The following RPS6KA2 variants were observed in gnomAD, a reference collection of about 807,000 sequenced individuals.
RPS6KA2 encodes ribosomal protein S6 kinase alpha-2.
Under a neutral mutation model 91.8 loss-of-function variants are expected in RPS6KA2, and 42 were observed. That is an observed-to-expected ratio of 0.46 (90% CI 0.36 to 0.59). The LOEUF is 0.59. RPS6KA2 is among the 20% of genes least tolerant of loss of function. RPS6KA2 has a pLI of 0.00. For synonymous variants in RPS6KA2, 414 were observed against 393.6 expected, an observed-to-expected ratio of 1.05 and a Z score of -0.61; for missense variants, 798 against 978.5, an observed-to-expected ratio of 0.82 and a Z score of 2.46.
At chr6:166,831,899 AGATG>A (rs1780193387) in intron 2 of RPS6KA2, among the ~76,000 whole-genome samples, 2 of 100,838 alleles carry the variant, frequency 2.0e-5, no homozygotes, top group Non-Finnish European at 5.1e-5. Context: ...ATGGATAGAT[AGATG>A]ATGGATGGAT....
At chr6:166,777,201 A>G (rs980017932) in intron 2 of RPS6KA2, among the ~76,000 whole-genome samples, 1 of 152,236 alleles carries the variant, frequency 6.6e-6, no homozygotes, top group Admixed American at 6.5e-5. Flanking sequence ...GACGGGAGAC[A>G]TCGAACTTGT....
chr6:166,608,730 CAAAG>C (rs1337148572), intron 1 of RPS6KA2, among the ~76,000 whole-genome samples: 3 of 152,234 alleles, frequency 2.0e-5, no homozygotes, highest in Non-Finnish European at 2.9e-5. Context: ...TGTTCTGCTT[CAAAG>C]AAAGACTTTC....
intron 2 of RPS6KA2, among the ~76,000 whole-genome samples, chr6:166,785,336 T>C (rs1778902410): frequency 6.6e-6 from 1 of 152,220 alleles, no homozygotes. Flanking sequence ...CCGGCCTCAG[T>C]CTCCTCCCTA....
chr6:166,420,410 G>C (rs1562481863), intron 17 of RPS6KA2, among the ~76,000 whole-genome samples: 1 of 152,046 alleles, frequency 6.6e-6, no homozygotes, highest in African/African-American at 2.4e-5. Flanking sequence ...ACAACTCCCT[G>C]TCCCCCAGCC....
intron 2 of RPS6KA2, among the ~76,000 whole-genome samples, chr6:166,707,998 C>T (rs1798826516): frequency 6.6e-6 from 1 of 152,188 alleles, no homozygotes; most frequent in African/African-American, 2.4e-5. Context: ...CCTGCCTCAG[C>T]CTCCCAAAGT....
In RPS6KA2 at chr6:166,409,890, A is replaced by G. The variant is rs1778244773; in HGVS notation, c.*2872T>C. The G allele has an allele frequency of 6.6e-6, 1 of 152,468 alleles. No individual in the cohort carries two copies. Among genetic ancestry groups the G allele is most frequent in the Non-Finnish European group, 1.5e-5 (1 of 68,040 alleles). The allele number at this position is 152,468 out of a possible 1,614,324, so 9.4% of individuals were successfully genotyped here. A position where few individuals can be genotyped will look rare whatever the true frequency, so the allele number is the denominator to read the frequency against. On this transcript the variant is annotated 3_prime_UTR_variant, in exon 21 of 21. Transcript: ENST00000265678. ...CTATTATCACTTTAAAATTCAAACA[A>G]TCTTCCAAACATCAATACATACACA...
Position 166,412,543 on chromosome 6 carries a change from A to T in RPS6KA2, c.*219T>A. 1 of 435,888 alleles carries T rather than the reference A, an allele frequency of 2.3e-6. No homozygotes were observed. The highest frequency in any genetic ancestry group is 4.0e-6 in the Non-Finnish European group (1 of 247,610). The allele number at this position is 435,888 out of a possible 1,614,324, so 27.0% of individuals were successfully genotyped here. On this transcript the variant is annotated 3_prime_UTR_variant, in exon 21 of 21. Coordinates refer to ENST00000265678, the MANE Select transcript of RPS6KA2 (RefSeq NM_021135.6). The surrounding 1 kb of genome is among the most constrained non-coding windows in gnomAD (Gnocchi z 4.3). ...GGGCGCATTTGGTTTCGCTTGGGAG[A>T]AAAGAGAGCGGGCGGGGAGGCTGGC...
chr6:166,798,285 G>A (rs541429746), intron 2 of RPS6KA2, among the ~76,000 whole-genome samples: 115 of 152,332 alleles, frequency 7.5e-4, no homozygotes, highest in Non-Finnish European at 1.4e-3. Flanking sequence ...TGCAGAAGGT[G>A]CAGCCCAGCT....
chr6:166,731,506 G>A (rs1790518412), intron 2 of RPS6KA2, among the ~76,000 whole-genome samples: 2 of 152,126 alleles, frequency 1.3e-5, no homozygotes, highest in Non-Finnish European at 2.9e-5. Flanking sequence ...AATGTCGGAA[G>A]CCATGTCTGT....
chr6:166,769,960 A>C (rs1778421282), intron 2 of RPS6KA2, among the ~76,000 whole-genome samples: 1 of 152,258 alleles, frequency 6.6e-6, no homozygotes, highest in African/African-American at 2.4e-5. Flanking sequence ...TTTTAGCTTC[A>C]GGAAAGCTGC....
intron 6 of RPS6KA2, among the ~76,000 whole-genome samples, chr6:166,503,998 G>A (rs1472820236): frequency 2.0e-5 from 3 of 152,214 alleles, no homozygotes; most frequent in African/African-American, 7.2e-5. Context: ...GGGCTGACAA[G>A]TAACTGAGTA....
intron 1 of RPS6KA2, among the ~76,000 whole-genome samples, chr6:166,562,372 T>A (rs750074619): frequency 6.6e-6 from 1 of 152,332 alleles, no homozygotes; most frequent in East Asian, 1.9e-4. Flanking sequence ...GTATCACCCA[T>A]GTATACATAC....
rs1484794401 is a variant in RPS6KA2, at chr6:166,770,019, A to T, written c.123+88181T>A. ...TTCAAATGAACTACAGCGCAGTTTA[A>T]CGTATCAATGTAGATGAACATAAGC... On this transcript the variant is annotated intron_variant, in intron 2 of 21. Transcript: ENST00000503859. The surrounding 1 kb of genome is among the most constrained non-coding windows in gnomAD (Gnocchi z 5.1). Among the ~76,000 whole-genome samples the T allele has an allele frequency of 1.3e-5, 2 of 152,226 alleles. No individual in the cohort carries two copies. The highest frequency in any genetic ancestry group is 2.4e-5 in the African/African-American group (1 of 41,470).
intron 2 of RPS6KA2, among the ~76,000 whole-genome samples, chr6:166,729,737 C>G (rs573262937): frequency 4.6e-5 from 7 of 152,296 alleles, no homozygotes; most frequent in African/African-American, 1.7e-4. Context: ...CTGGATCGTT[C>G]AATGCAACCA....
chr6:166,689,972 G>A (rs921722009), intron 2 of RPS6KA2, among the ~76,000 whole-genome samples: 5 of 152,222 alleles, frequency 3.3e-5, no homozygotes, highest in Admixed American at 1.3e-4. Flanking sequence ...TGTGGCCAAG[G>A]AGTCCACACT....
intron 2 of RPS6KA2, among the ~76,000 whole-genome samples, chr6:166,680,439 C>T (rs868231270): frequency 1.3e-5 from 2 of 152,178 alleles, no homozygotes; most frequent in Non-Finnish European, 2.9e-5. Context: ...GACCTACCTG[C>T]TCTGGTCCCC....
intron 2 of RPS6KA2, among the ~76,000 whole-genome samples, chr6:166,714,678 G>C (rs926789246): frequency 6.6e-6 from 1 of 152,208 alleles, no homozygotes; most frequent in Non-Finnish European, 1.5e-5. Context: ...TGAAGCACCA[G>C]AAGCAAAGAG....
chr6:166,579,391 C>T lies in RPS6KA2; in HGVS notation c.100-40607G>A, dbSNP rs1462081502. Among the ~76,000 whole-genome samples the T allele has an allele frequency of 5.9e-5, 9 of 152,066 alleles. No individual in the cohort carries two copies. In the East Asian group the frequency reaches 1.7e-3, roughly 29 times the overall value. The stretch of plus-strand genomic sequence containing the variant: ...TCCTGGAGTGGTGCTGGCCTGTCGC[C>T]CACAGGCCATCTGGGGAGGAAGAAA... On this transcript the variant is annotated intron_variant, in intron 1 of 20. Transcript: ENST00000265678.
In RPS6KA2 at chr6:166,531,250, T is replaced by C. The variant is rs200392254; in HGVS notation, c.280A>G (p.Lys94Glu). 1 of 1,614,060 alleles carries C rather than the reference T, an allele frequency of 6.2e-7. No individual in the cohort carries two copies. Residue 94 changes from lysine to glutamate, a missense_variant, in exon 3 of 21, where the codon AAG becomes GAG. Physicochemically the swap from Lys to Glu is moderately conservative, Grantham distance 56. Coordinates refer to ENST00000265678, the MANE Select transcript of RPS6KA2 (RefSeq NM_021135.6). ...CTCTTACCTTTTAGGGTGGCTTTCT[T>C]AAGGACCTTCATGGCGTAGAGCTGC... Reference protein sequence around the residue: ...AGQLYAMKVLKKATLKVRDRV... With the variant: ...AGQLYAMKVLEKATLKVRDRV...
Sources: gnomAD v4.1 joint callset for allele counts (sites outside exome capture counted in the v4.1 genomes callset) on GRCh38, gnomAD v4.1.1 for gene constraint, Gnocchi (gnomAD v3.1) non-coding constraint, MANE v1.5 for transcripts, NCBI Gene and HGNC (gene_info 2026-07-23, HGNC 2026-07-21) for gene names.